HSD17B12: variants seen among roughly 807,000 people sequenced by gnomAD.
HSD17B12 encodes hydroxysteroid 17-beta dehydrogenase 12.
HSD17B12 carries 32 observed loss-of-function variants against 39.3 expected under a neutral mutation model. The observed-to-expected ratio is 0.81, with a 90% confidence interval of 0.61 to 1.09. The LOEUF (loss-of-function observed/expected upper bound fraction) is 1.09, where lower values mean the gene tolerates loss of function less well. HSD17B12 is among the 50% of genes least tolerant of loss of function. The pLI, the probability that HSD17B12 is intolerant of heterozygous loss-of-function variation, is 0.00. For synonymous variants in HSD17B12, 150 were observed against 146.7 expected (o/e 1.02, Z -0.16); for missense variants, 342 against 382.9 (o/e 0.89, Z 0.89).
At chr11:43,702,855 TG>T (rs1173889893) in intron 1 of HSD17B12, among the ~76,000 whole-genome samples, 1 of 152,212 alleles carries the variant, frequency 6.6e-6, no homozygotes, top group Non-Finnish European at 1.5e-5. Context: ...TTAATGTTAG[TG>T]TATTTTATGT....
the HSD17B12 span, among the ~76,000 whole-genome samples, chr11:43,560,646 G>C: frequency 6.6e-6 from 1 of 152,138 alleles, no homozygotes; most frequent in Admixed American, 6.5e-5. Context: ...CAACATTGTG[G>C]GACAGGAACG....
intron 1 of HSD17B12, among the ~76,000 whole-genome samples, chr11:43,716,841 C>A (rs1184901382): frequency 6.6e-6 from 1 of 150,894 alleles, no homozygotes; most frequent in African/African-American, 2.4e-5. Context: ...TCAGGAGTTT[C>A]CCAGGTGAAG....
In HSD17B12 at chr11:43,723,121, G is replaced by A. The variant is rs1950190114; in HGVS notation, c.161-27790G>A. Among the ~76,000 whole-genome samples, 5 of 152,238 alleles carry A rather than the reference G, an allele frequency of 3.3e-5. No homozygotes were observed. In the South Asian group the frequency reaches 1.0e-3, roughly 32 times the overall value. On this transcript the variant is annotated intron_variant, in intron 1 of 10. Coordinates refer to ENST00000278353, the MANE Select transcript of HSD17B12 (RefSeq NM_016142.3). ...TTCATTTTTACTATTAAAAAAAGGT[G>A]GCATGTTAGTAATCAGAATGTTCTA...
chr11:43,704,046 T>G (rs1021688836), intron 1 of HSD17B12, among the ~76,000 whole-genome samples: 1 of 152,212 alleles, frequency 6.6e-6, no homozygotes, highest in Non-Finnish European at 1.5e-5. Flanking sequence ...ACAAAGTCCT[T>G]GGGCAAAGAG....
At chr11:43,678,059 AG>A (rs577329588), upstream of HSD17B12, among the ~76,000 whole-genome samples, 48 of 152,308 alleles carry the variant, frequency 3.2e-4, no homozygotes, top group African/African-American at 1.1e-3. Flanking sequence ...ACAGTGTAAA[AG>A]TGTTCTTATT....
At position 43,840,142 on chromosome 11, in the gene HSD17B12, CA is replaced by C. The variant is rs1308372943; in HGVS notation, c.684+86del. 7.4e-5 allele frequency: 82 copies of C among 1,106,008 alleles called. No homozygotes were observed. The Middle Eastern group carries it at 1.0e-3, about 14-fold the overall frequency. The allele number at this position is 1,106,008 out of a possible 1,614,324, so 68.5% of individuals were successfully genotyped here. On this transcript the variant is annotated intron_variant, in intron 9 of 10. Coordinates refer to ENST00000278353, the MANE Select transcript of HSD17B12 (RefSeq NM_016142.3). ...GCAACTGTTGCTGTCTTGGCAATAACAAAAAAAATCATATTCCTAAGTAAGT... is the reference window on the plus strand; with the variant it reads ...GCAACTGTTGCTGTCTTGGCAATAACAAAAAAATCATATTCCTAAGTAAGT...
chr11:43,655,334 A>C, the HSD17B12 span, among the ~76,000 whole-genome samples: 1 of 152,206 alleles, frequency 6.6e-6, no homozygotes, highest in Non-Finnish European at 1.5e-5. Flanking sequence ...CTAGATACAC[A>C]ATCATGTCAT....
At chr11:43,718,786 AAAG>A (rs754163210) in intron 1 of HSD17B12, 77 of 1,041,112 alleles carry the variant, frequency 7.4e-5, no homozygotes, top group African/African-American at 9.5e-5. Context: ...GCCACAAAAA[AAAG>A]AAGACCCGCA....
chr11:43,733,944 G>T, intron 1 of HSD17B12: 1 of 699,364 alleles, frequency 1.4e-6, no homozygotes, highest in Non-Finnish European at 2.6e-6. Context: ...CATGGGTACA[G>T]AAACCAATTA....
intron 4 of HSD17B12, among the ~76,000 whole-genome samples, chr11:43,799,841 C>T (rs902205612): frequency 6.6e-6 from 1 of 152,146 alleles, no homozygotes; most frequent in Non-Finnish European, 1.5e-5. Context: ...TATAGCCCTG[C>T]ATAGTACTGT....
intron 1 of HSD17B12, among the ~76,000 whole-genome samples, chr11:43,709,289 C>T (rs1000157269): frequency 2.6e-5 from 4 of 152,214 alleles, no homozygotes; most frequent in Non-Finnish European, 5.9e-5. Context: ...CCACACCTGG[C>T]TAAGTTTTGT....
In HSD17B12 at chr11:43,831,100, T is replaced by A; in HGVS notation, c.536+90T>A. ...CCTTGCTTTGAAAAAATCACTGAAG[T>A]GACTAATGAACCAAGCCTCCATGTC... On this transcript the variant is annotated intron_variant, in intron 7 of 10. Transcript: ENST00000278353. The surrounding 1 kb of genome is among the most constrained non-coding windows in gnomAD (Gnocchi z 4.1). The A allele has an allele frequency of 8.1e-7, 1 of 1,228,412 alleles. No homozygotes were observed. Among genetic ancestry groups the A allele is most frequent in the Non-Finnish European group, 1.2e-6 (1 of 858,772 alleles). The allele number at this position is 1,228,412 out of a possible 1,614,324, so 76.1% of individuals were successfully genotyped here.
chr11:43,681,852 A>G (rs1949748806), intron 1 of HSD17B12, among the ~76,000 whole-genome samples: 1 of 123,066 alleles, frequency 8.1e-6, no homozygotes, highest in Non-Finnish European at 1.7e-5. Context: ...TTTCTTTTTC[A>G]ACCTATTTTG....
At chr11:43,839,828 C>T (rs2135128527) in intron 8 of HSD17B12, among the ~76,000 whole-genome samples, 171 bp from the exon 9 acceptor site, 1 of 152,008 alleles carries the variant, frequency 6.6e-6, no homozygotes, top group Admixed American at 6.6e-5. Flanking sequence ...CAGATAAAAA[C>T]AGCTTGAGGT....
At chr11:43,571,573 G>A in the HSD17B12 span, among the ~76,000 whole-genome samples, 1 of 152,210 alleles carries the variant, frequency 6.6e-6, no homozygotes, top group Admixed American at 6.5e-5. Flanking sequence ...ATGGCTGAGA[G>A]GAGGGCATTT....
intron 3 of HSD17B12, among the ~76,000 whole-genome samples, chr11:43,794,237 A>C (rs947108840): frequency 4.6e-5 from 7 of 152,236 alleles, no homozygotes; most frequent in Non-Finnish European, 1.0e-4. Context: ...AATAGGCATC[A>C]ATAGTATTGA....
At chr11:43,663,796 G>A in the HSD17B12 span, among the ~76,000 whole-genome samples, 1 of 152,042 alleles carries the variant, frequency 6.6e-6, no homozygotes, top group East Asian at 1.9e-4. Flanking sequence ...GGCAGTGCAC[G>A]CTTAAGATTC....
the HSD17B12 span, among the ~76,000 whole-genome samples, chr11:43,587,789 T>C: frequency 6.6e-6 from 1 of 152,158 alleles, no homozygotes; most frequent in Non-Finnish European, 1.5e-5. Flanking sequence ...AGCTGGACAG[T>C]ATAAGATCAC....
At chr11:43,731,570 T>C (rs1240858840) in intron 1 of HSD17B12, among the ~76,000 whole-genome samples, 1 of 152,214 alleles carries the variant, frequency 6.6e-6, no homozygotes, top group African/African-American at 2.4e-5. Context: ...GTAATCATGT[T>C]GACTGAAGAA....
Sources: gnomAD v4.1 joint callset for allele counts (sites outside exome capture counted in the v4.1 genomes callset) on GRCh38, gnomAD v4.1.1 for gene constraint, Gnocchi (gnomAD v3.1) non-coding constraint, MANE v1.5 for transcripts, NCBI Gene and HGNC (gene_info 2026-07-23, HGNC 2026-07-21) for gene names.